The following TEAD1 variants were observed in gnomAD, a reference collection of about 807,000 sequenced individuals.
TEAD1 encodes transcriptional enhancer factor TEF-1.
TEAD1 carries 9 observed loss-of-function variants against 54.9 expected under a neutral mutation model. The observed-to-expected ratio is 0.16, with a 90% CI of 0.10 to 0.29. The LOEUF is 0.29. TEAD1 is among the 10% of genes least tolerant of loss of function. TEAD1 has a pLI of 1.00. For synonymous variants in TEAD1, 200 were observed against 187.8 expected (o/e 1.07, Z -0.53); for missense variants, 387 against 535.9 (o/e 0.72, Z 2.74).
chr11:12,730,416 G>GTTTTT (rs59731479), intron 2 of TEAD1, among the ~76,000 whole-genome samples: 1 of 60,236 alleles, frequency 1.7e-5, no homozygotes, highest in Non-Finnish European at 3.0e-5. Context: ...CCAGTTGAGT[G>GTTTTT]TTTTTTTTTT....
At chr11:12,895,273 T>C (rs1305778419) in intron 9 of TEAD1, among the ~76,000 whole-genome samples, 1 of 152,158 alleles carries the variant, frequency 6.6e-6, no homozygotes, top group Non-Finnish European at 1.5e-5. Flanking sequence ...CCTTTATTAT[T>C]ATTTGCAACT....
chr11:12,708,939 C>A (rs1411866825), intron 2 of TEAD1, among the ~76,000 whole-genome samples: 1 of 152,148 alleles, frequency 6.6e-6, no homozygotes, highest in African/African-American at 2.4e-5. Flanking sequence ...GGAAGAATAT[C>A]AAATGCTAAT....
intron 9 of TEAD1, among the ~76,000 whole-genome samples, chr11:12,884,419 G>A (rs780391320): frequency 1.1e-4 from 16 of 152,142 alleles, no homozygotes; most frequent in Non-Finnish European, 2.1e-4. Flanking sequence ...CTGCCTTAAT[G>A]TCATTTCTAT....
chr11:12,761,174 C>T (rs191282821), intron 2 of TEAD1, among the ~76,000 whole-genome samples: 76 of 152,290 alleles, frequency 5.0e-4, no homozygotes, highest in Non-Finnish European at 8.8e-4. Context: ...ATACTACATT[C>T]CCCCAAACAA....
intron 2 of TEAD1, among the ~76,000 whole-genome samples, chr11:12,704,236 G>A (rs566358770): frequency 5.9e-5 from 9 of 152,260 alleles, no homozygotes; most frequent in South Asian, 2.1e-4. Context: ...CATCTTAGCC[G>A]TTCAGTTTGG....
intron 2 of TEAD1, among the ~76,000 whole-genome samples, chr11:12,687,218 G>T (rs1360051405): frequency 6.6e-6 from 1 of 152,218 alleles, no homozygotes; most frequent in East Asian, 1.9e-4. Context: ...TTTGATTAAA[G>T]AGAGAAAATG....
rs192233811 is a variant in TEAD1 at position 12,849,384 on chromosome 11, C to T, written c.203-12866C>T. The T allele has an allele frequency of 2.7e-4, 41 of 152,294 alleles. No homozygotes were observed. The Middle Eastern group carries it at 0.014, about 51-fold the overall frequency. The allele number at this position is 152,294 out of a possible 1,614,324, so 9.4% of individuals were successfully genotyped here. On this transcript the variant is annotated intron_variant, in intron 3 of 12. Coordinates refer to ENST00000527636, the MANE Select transcript of TEAD1 (RefSeq NM_021961.6). ...TCTATAGCCTCCCACCATCTCTAAA[C>T]TCCGCAATAGTGTTTCATTTAGCTT...
intron 3 of TEAD1, among the ~76,000 whole-genome samples, chr11:12,829,091 G>A (rs928426394): frequency 6.6e-6 from 1 of 152,096 alleles, no homozygotes. Flanking sequence ...GCTGATTGAG[G>A]TAGTGGTGGT....
chr11:12,899,067 GGGGCAGCTAGC>G (rs1948372946), intron 9 of TEAD1, among the ~76,000 whole-genome samples: 1 of 152,184 alleles, frequency 6.6e-6, no homozygotes, highest in Non-Finnish European at 1.5e-5. Context: ...ACCTGGCCCA[GGGGCAGCTAGC>G]GAGGCAGAAC....
chr11:12,794,596 C>G (rs1376316929), intron 3 of TEAD1, among the ~76,000 whole-genome samples: 1 of 152,190 alleles, frequency 6.6e-6, no homozygotes, highest in Admixed American at 6.5e-5. Flanking sequence ...TGAACTTTGA[C>G]ATCATCTCCT....
intron 10 of TEAD1, among the ~76,000 whole-genome samples, chr11:12,903,974 T>G (rs1948468710): frequency 6.6e-6 from 1 of 152,180 alleles, no homozygotes; most frequent in Non-Finnish European, 1.5e-5. Flanking sequence ...TGGAGATCAG[T>G]TATATGGTAA....
intron 6 of TEAD1, among the ~76,000 whole-genome samples, chr11:12,880,562 A>G (rs1464666482): frequency 6.6e-6 from 1 of 152,158 alleles, no homozygotes; most frequent in Non-Finnish European, 1.5e-5. Context: ...AGCTGCCTGC[A>G]TTGCCGCTTG....
intron 9 of TEAD1, among the ~76,000 whole-genome samples, chr11:12,896,927 A>AGAGT (rs1293888643): frequency 6.6e-6 from 1 of 152,200 alleles, no homozygotes; most frequent in Non-Finnish European, 1.5e-5. Context: ...TAAAACAGGC[A>AGAGT]GAGTGAGTAC....
At chr11:12,776,233 A>G (rs1373067576) in intron 3 of TEAD1, among the ~76,000 whole-genome samples, 1 of 152,222 alleles carries the variant, frequency 6.6e-6, no homozygotes, top group African/African-American at 2.4e-5. Flanking sequence ...TCAGAGACGC[A>G]TAATTCCAAC....
intron 5 of TEAD1, among the ~76,000 whole-genome samples, chr11:12,876,395 A>G (rs1024621230): frequency 3.9e-5 from 6 of 152,144 alleles, no homozygotes; most frequent in African/African-American, 1.4e-4. Context: ...CTTAGAATTC[A>G]TGAGTCACCC....
At chr11:12,864,617 T>TTTTTG (rs78050843) in intron 4 of TEAD1, 51,384 of 953,804 alleles carry the variant, frequency 0.054, 2,842 homozygotes, top group African/African-American at 0.22. Flanking sequence ...TTGATTTCCT[T>TTTTTG]TTTTGTTTTG....
rs558049775 is a variant in TEAD1, at chr11:12,943,312, T to G, written c.*6090T>G. 2 of 152,776 alleles carry G rather than the reference T, an allele frequency of 1.3e-5. No individual in the cohort carries two copies. Among genetic ancestry groups the G allele is most frequent in the East Asian group, 3.9e-4 (2 of 5,186 alleles). 9.5% of individuals were successfully genotyped at this position (152,776 alleles called of 1,614,324 possible). A position where few individuals can be genotyped will look rare whatever the true frequency, so the allele number is the denominator to read the frequency against. On this transcript the variant is annotated 3_prime_UTR_variant, in exon 13 of 13. Transcript: ENST00000527636. The stretch of plus-strand genomic sequence containing the variant: ...AGTGTGGAAGAAATTAGTCAAATGC[T>G]TGTTTTCCTGCTTCTCTTTTCAACT...
intron 3 of TEAD1, among the ~76,000 whole-genome samples, chr11:12,845,997 A>G (rs79808424): frequency 6.6e-6 from 1 of 152,360 alleles, no homozygotes; most frequent in Non-Finnish European, 1.5e-5. Flanking sequence ...GCCCTTTGCT[A>G]GCTTTGATCT....
chr11:12,895,653 G>C (rs1948301171), intron 9 of TEAD1, among the ~76,000 whole-genome samples: 1 of 152,156 alleles, frequency 6.6e-6, no homozygotes, highest in Non-Finnish European at 1.5e-5. Flanking sequence ...GTTTTTGATT[G>C]GTGGTTTATT....
Sources: allele counts gnomAD v4.1 joint callset (sites outside exome capture counted in the v4.1 genomes callset), GRCh38; gene constraint gnomAD v4.1.1; transcripts MANE v1.5; gene names NCBI Gene and HGNC (gene_info 2026-07-23, HGNC 2026-07-21).